ANKRD45: variants seen among roughly 807,000 people sequenced by gnomAD.
ANKRD45 encodes ankyrin repeat domain-containing protein 45.
In ANKRD45, 21 loss-of-function variants were observed where a neutral mutation model predicts 28.1. The ratio of observed to expected loss-of-function variants is 0.75; its 90% CI spans 0.53 to 1.08. The LOEUF (loss-of-function observed/expected upper bound fraction) is 1.08. Among genes scored for constraint, ANKRD45 ranks in the 50% least tolerant of loss-of-function variants. The pLI, the probability that ANKRD45 is intolerant of heterozygous loss-of-function variation, is 0.00. For missense variants in ANKRD45, 261 were observed against 308.7 expected (o/e 0.85, Z 1.16); for synonymous variants, 86 against 103.9 (o/e 0.83, Z 1.05).
At chr1:173,704,944 C>G in the ANKRD45 span, among the ~76,000 whole-genome samples, 1 of 152,250 alleles carries the variant, frequency 6.6e-6, no homozygotes, top group Non-Finnish European at 1.5e-5. Context: ...CTGGGAAGCT[C>G]TGACGCTGGG....
chr1:173,714,486 C>G, the ANKRD45 span, among the ~76,000 whole-genome samples: 1 of 152,162 alleles, frequency 6.6e-6, no homozygotes, highest in Middle Eastern at 3.4e-3. Context: ...AAAGTTTGAC[C>G]GTGGGAAATC....
chr1:173,627,966 T>C (rs1668012328), intron 3 of ANKRD45, among the ~76,000 whole-genome samples: 1 of 150,158 alleles, frequency 6.7e-6, no homozygotes, highest in South Asian at 2.1e-4. Flanking sequence ...CCAAGCAGAG[T>C]CCTGAGGCCC....
intron 3 of ANKRD45, among the ~76,000 whole-genome samples, chr1:173,639,652 T>TCCAAGTTAAGAAAACCAAC (rs1451439078): frequency 6.6e-6 from 1 of 152,070 alleles, no homozygotes; most frequent in Non-Finnish European, 1.5e-5. Flanking sequence ...AAACAAGTCA[T>TCCAAGTTAAGAAAACCAAC]AAAGAAATCA....
intron 2 of ANKRD45, among the ~76,000 whole-genome samples, chr1:173,653,065 T>A (rs932118112): frequency 1.3e-5 from 2 of 152,168 alleles, no homozygotes; most frequent in Admixed American, 6.6e-5. Context: ...ATTCATTGAT[T>A]TTTTTGAAGG....
At chr1:173,657,619 C>CTTT (rs1669593039) in intron 2 of ANKRD45, 1 of 59,866 alleles carries the variant, frequency 1.7e-5, no homozygotes, top group Non-Finnish European at 4.3e-5. Context: ...TTTCTTTCTT[C>CTTT]TTCTTCTTTT....
upstream of ANKRD45, among the ~76,000 whole-genome samples, chr1:173,674,309 C>T (rs1488654447): frequency 2.0e-5 from 3 of 152,018 alleles, no homozygotes; most frequent in Non-Finnish European, 4.4e-5. Flanking sequence ...CCACTGCACT[C>T]GGCCCACCTT....
At chr1:173,696,162 C>A in the ANKRD45 span, among the ~76,000 whole-genome samples, 2 of 152,056 alleles carry the variant, frequency 1.3e-5, no homozygotes, top group Admixed American at 1.3e-4. Context: ...GTGATGTCTC[C>A]CCCGGACACC....
chr1:173,702,933 C>G, the ANKRD45 span, among the ~76,000 whole-genome samples: 1 of 151,874 alleles, frequency 6.6e-6, no homozygotes. Flanking sequence ...GCTATGCTGC[C>G]CAGGCTTGTC....
At position 173,652,838 on chromosome 1, in the gene ANKRD45, T is replaced by C. The variant is rs541135887; in HGVS notation, c.329-5825A>G. ...GTTTAGTCTTGGGAGGATGTATGTG[T>C]CCAGGAATTTATCCATTTATTCTAG... On this transcript the variant is annotated intron_variant, in intron 2 of 5. Coordinates refer to ENST00000333279, the MANE Select transcript of ANKRD45 (RefSeq NM_198493.3). Among the ~76,000 whole-genome samples, 10 of 152,338 alleles carry C rather than the reference T, an allele frequency of 6.6e-5. No individual in the cohort carries two copies. In the East Asian group the frequency reaches 1.3e-3, roughly 21 times the overall value.
chr1:173,638,441 C>G (rs963997606), intron 3 of ANKRD45, among the ~76,000 whole-genome samples: 4 of 152,094 alleles, frequency 2.6e-5, no homozygotes, highest in African/African-American at 9.7e-5. Context: ...CAAGAAGCCT[C>G]TAGTAGGAGA....
chr1:173,646,752 A>G, intron 3 of ANKRD45, 94 bp downstream of exon 3: 1 of 1,313,122 alleles, frequency 7.6e-7, no homozygotes, highest in Non-Finnish European at 1.1e-6. Flanking sequence ...ATCTACAAAC[A>G]AAACACTGTG....
chr1:173,665,845 C>A (rs531135492), intron 1 of ANKRD45, among the ~76,000 whole-genome samples: 2 of 151,636 alleles, frequency 1.3e-5, no homozygotes, highest in Admixed American at 6.6e-5. Flanking sequence ...CCCATCTCTA[C>A]AAAAAATACA....
the ANKRD45 span, among the ~76,000 whole-genome samples, chr1:173,687,596 T>A: frequency 6.6e-6 from 1 of 152,054 alleles, no homozygotes; most frequent in East Asian, 1.9e-4. Flanking sequence ...CAAACTTTAC[T>A]TTTGCTGAAA....
chr1:173,610,791 T>TA (rs202076249), intron 5 of ANKRD45, among the ~76,000 whole-genome samples: 18 of 148,390 alleles, frequency 1.2e-4, no homozygotes, highest in Admixed American at 4.0e-4. Flanking sequence ...ACCCTGTCTC[T>TA]AAAAAAAAAA....
the ANKRD45 span, among the ~76,000 whole-genome samples, chr1:173,688,547 CCT>C: frequency 1.2e-4 from 10 of 81,132 alleles, 1 homozygote; most frequent in East Asian, 6.8e-4. Flanking sequence ...CCTCTCTCTC[CCT>C]CTCTGCCTCT....
At chr1:173,682,684 T>TACGCGCAC in the ANKRD45 span, among the ~76,000 whole-genome samples, 17 of 144,036 alleles carry the variant, frequency 1.2e-4, no homozygotes, top group South Asian at 2.2e-4. Flanking sequence ...GCCTTTTAAA[T>TACGCGCAC]ACACACACAC....
In ANKRD45 at chr1:173,608,476, T is replaced by A. The variant is rs778579484; in HGVS notation, c.*1669A>T. ...GGGATTACAGGCACGTGCCACCACA[T>A]ACAGCTAAATTTTTGTATTTTTAGT... On this transcript the variant is annotated 3_prime_UTR_variant, in exon 6 of 6. Coordinates refer to ENST00000333279, the MANE Select transcript of ANKRD45 (RefSeq NM_198493.3). Among the ~76,000 whole-genome samples, 16 of 151,896 alleles carry A rather than the reference T, an allele frequency of 1.1e-4. No individual in the cohort carries two copies. The highest frequency in any genetic ancestry group is 3.9e-4 in the African/African-American group (16 of 41,364).
chr1:173,635,690 T>C (rs775522750), intron 3 of ANKRD45: 2 of 1,535,760 alleles, frequency 1.3e-6, no homozygotes, highest in South Asian at 2.4e-5. Context: ...CTGCCTGCCT[T>C]ATCTTCTGGA....
the ANKRD45 span, among the ~76,000 whole-genome samples, chr1:173,698,008 A>C: frequency 3.1e-4 from 47 of 152,020 alleles, no homozygotes; most frequent in Non-Finnish European, 4.9e-4. Flanking sequence ...AAAAAGCAGG[A>C]GTTGCAATCC....
Sources: gnomAD v4.1 joint callset for allele counts (sites outside exome capture counted in the v4.1 genomes callset) on GRCh38, gnomAD v4.1.1 for gene constraint, MANE v1.5 for transcripts, NCBI Gene and HGNC (gene_info 2026-07-23, HGNC 2026-07-21) for gene names.